The following ITGA2 variants were observed in gnomAD, a reference collection of about 807,000 sequenced individuals.
The protein encoded by ITGA2 is integrin alpha-2.
In ITGA2, 101 loss-of-function variants were observed where a neutral mutation model predicts 146.3. The observed-to-expected ratio is 0.69, with a 90% confidence interval of 0.59 to 0.81. ITGA2 has a LOEUF of 0.81. Among genes scored for constraint, ITGA2 ranks in the 40% least tolerant of loss-of-function variants. The probability of loss-of-function intolerance (pLI) is 0.00; values close to 1 mark genes in which losing one functional copy is unlikely to be tolerated. For missense variants in ITGA2, 1,281 were observed against 1,402.7 expected, an observed-to-expected ratio of 0.91 and a Z score of 1.39; for synonymous variants, 477 against 487.1, an observed-to-expected ratio of 0.98 and a Z score of 0.27.
At chr5:53,004,827 A>G (rs1328936943) in intron 1 of ITGA2, among the ~76,000 whole-genome samples, 3 of 151,024 alleles carry the variant, frequency 2.0e-5, no homozygotes, top group African/African-American at 4.9e-5. Context: ...AACATTGCAG[A>G]ACTTAAATCT....
Position 53,007,346 on chromosome 5 carries a change from C to A in ITGA2, c.64+17814C>A, listed in dbSNP as rs941244435. On this transcript the variant is annotated intron_variant, in intron 1 of 29. Coordinates refer to ENST00000296585, the MANE Select transcript of ITGA2 (RefSeq NM_002203.4). ...AATTTATAGAGAAGTGGCTTGTGAA[C>A]AGGGTATAATAAAAGAAATACTAAC... is the stretch of plus-strand genomic sequence containing the variant. Among the ~76,000 whole-genome samples, 4 of 152,030 alleles carry A rather than the reference C, an allele frequency of 2.6e-5. No homozygotes were observed. In the South Asian group the frequency reaches 8.3e-4, roughly 32 times the overall value.
intron 1 of ITGA2, among the ~76,000 whole-genome samples, chr5:53,024,376 G>T (rs1362906387): frequency 6.6e-6 from 1 of 152,070 alleles, no homozygotes; most frequent in Non-Finnish European, 1.5e-5. Context: ...GATTATGAAT[G>T]ATTTTTCCCT....
In ITGA2 at chr5:53,033,751, C is replaced by T. The variant is rs149424972; in HGVS notation, c.185+6883C>T. Among the ~76,000 whole-genome samples, 145 of 146,008 alleles carry T rather than the reference C, an allele frequency of 9.9e-4. 1 individual carries two copies. The highest frequency in any genetic ancestry group is 3.5e-3 in the African/African-American group (139 of 39,686). On this transcript the variant is annotated intron_variant, in intron 2 of 29. Transcript: ENST00000296585. ...TAGCTGGAATTATAGGCATGTGCCA[C>T]CATACTAGGCTAATTTTTTTTTTTT...
At chr5:53,087,326 C>G (rs1472885330) in intron 28 of ITGA2, among the ~76,000 whole-genome samples, 1 of 152,142 alleles carries the variant, frequency 6.6e-6, no homozygotes, top group African/African-American at 2.4e-5. Context: ...GCTCTATGTT[C>G]TTTGGGACTC....
chr5:53,084,258 G>A lies in ITGA2; in HGVS notation c.3258+805G>A, dbSNP rs542078463. 2.7e-3 allele frequency among the ~76,000 whole-genome samples: 412 copies of A among 151,940 alleles called. 2 individuals are homozygous for A. The highest frequency in any genetic ancestry group is 4.9e-3 in the Non-Finnish European group (333 of 67,962). On this transcript the variant is annotated intron_variant, in intron 27 of 29. Transcript: ENST00000296585. ...GAGGAAGAAAAACAGAAATTAGTCT[G>A]AAACCTCCTGGGGATCTTTGTAGCT...
At chr5:53,020,299 A>T (rs1742614329) in intron 1 of ITGA2, among the ~76,000 whole-genome samples, 1 of 152,246 alleles carries the variant, frequency 6.6e-6, no homozygotes, top group Non-Finnish European at 1.5e-5. Context: ...TATCATACAG[A>T]TATGAACAAG....
intron 10 of ITGA2, among the ~76,000 whole-genome samples, chr5:53,059,085 C>A (rs189571259): frequency 6.6e-6 from 1 of 151,790 alleles, no homozygotes; most frequent in Non-Finnish European, 1.5e-5. Context: ...ATCTTTGGTA[C>A]GCTCTAAGAT....
chr5:53,082,946 G>A (rs1745994391), intron 26 of ITGA2, among the ~76,000 whole-genome samples: 1 of 152,106 alleles, frequency 6.6e-6, no homozygotes, highest in Non-Finnish European at 1.5e-5. Context: ...TACATTTTGT[G>A]CATGTTTACT....
chr5:53,004,802 T>C (rs778548349), intron 1 of ITGA2, among the ~76,000 whole-genome samples: 3 of 151,666 alleles, frequency 2.0e-5, no homozygotes, highest in Non-Finnish European at 4.4e-5. Context: ...GTTTAAGGAC[T>C]AGAGCCATAA....
rs1033008788 is a variant in ITGA2, at chr5:53,036,433, T to C, written c.186-5679T>C. On this transcript the variant is annotated intron_variant, in intron 2 of 29. Transcript: ENST00000296585. Reference sequence around the variant, plus strand: ...TATCATTACCAGTAGGACTACCATCTCCTTCCACTATCCCCCTCACTCATT... The same window carrying C: ...TATCATTACCAGTAGGACTACCATCCCCTTCCACTATCCCCCTCACTCATT... Among the ~76,000 whole-genome samples, 26 of 152,196 alleles carry C rather than the reference T, an allele frequency of 1.7e-4. 1 individual carries two copies. The highest frequency in any genetic ancestry group is 6.3e-4 in the African/African-American group (26 of 41,456).
At chr5:53,048,538 G>C (rs888067156) in intron 5 of ITGA2, 61 bp downstream of exon 5, 26 of 1,607,992 alleles carry the variant, frequency 1.6e-5, no homozygotes, top group Non-Finnish European at 2.2e-5. Flanking sequence ...GGGGGAAAAG[G>C]TTATCAACTA....
chr5:53,007,153 A>T (rs1299559182), intron 1 of ITGA2, among the ~76,000 whole-genome samples: 1 of 152,212 alleles, frequency 6.6e-6, no homozygotes, highest in African/African-American at 2.4e-5. Flanking sequence ...TGAAGAGGTG[A>T]TATAGAGCAG....
At chr5:53,078,944 A>G in intron 24 of ITGA2, 70 bp downstream of exon 24, 1 of 884,780 alleles carries the variant, frequency 1.1e-6, no homozygotes. Flanking sequence ...GTCTGGAAAT[A>G]AAAGGAGAAA....
chr5:53,091,738 A>C lies in ITGA2; in HGVS notation c.*1139A>C, dbSNP rs1740432672. 6.6e-6 allele frequency: 1 copy of C among 152,218 alleles called. No individual in the cohort carries two copies. Among genetic ancestry groups the C allele is most frequent in the Non-Finnish European group, 1.5e-5 (1 of 68,032 alleles). 9.4% of individuals were successfully genotyped at this position (152,218 alleles called of 1,614,324 possible). On this transcript the variant is annotated 3_prime_UTR_variant, in exon 30 of 30. Transcript: ENST00000296585. Reference sequence around the variant, plus strand: ...ACACTTGCATGAATTACTGTATATAAACTCCTTAACTTCAGGGAGCTATTT... The same window carrying C: ...ACACTTGCATGAATTACTGTATATACACTCCTTAACTTCAGGGAGCTATTT...
chr5:53,067,669 C>G (rs2056403), intron 16 of ITGA2, among the ~76,000 whole-genome samples: 1 of 151,724 alleles, frequency 6.6e-6, no homozygotes, highest in Non-Finnish European at 1.5e-5. Context: ...TTTTTCCTGT[C>G]GTTGAGGAAT....
intron 1 of ITGA2, among the ~76,000 whole-genome samples, chr5:53,012,625 G>T (rs531703751): frequency 2.6e-5 from 4 of 152,096 alleles, no homozygotes; most frequent in Middle Eastern, 3.2e-3. Flanking sequence ...CTAATAATGG[G>T]ATTGCTGGGT....
At chr5:53,078,944 A>C in intron 24 of ITGA2, 70 bp downstream of exon 24, 1 of 884,780 alleles carries the variant, frequency 1.1e-6, no homozygotes, top group Non-Finnish European at 1.9e-6. Context: ...GTCTGGAAAT[A>C]AAAGGAGAAA....
At chr5:53,014,813 G>C (rs1183622626) in intron 1 of ITGA2, among the ~76,000 whole-genome samples, 1 of 151,990 alleles carries the variant, frequency 6.6e-6, no homozygotes, top group Non-Finnish European at 1.5e-5. Flanking sequence ...TTTCTTTGTG[G>C]TTCAATATTA....
intron 1 of ITGA2, among the ~76,000 whole-genome samples, chr5:52,992,841 T>TCTACCTATC (rs925631740): frequency 6.6e-6 from 1 of 151,888 alleles, no homozygotes; most frequent in Non-Finnish European, 1.5e-5. Context: ...AAAGGTACAT[T>TCTACCTATC]CTACCTATCC....
Sources: gnomAD v4.1 joint callset for allele counts (sites outside exome capture counted in the v4.1 genomes callset) on GRCh38, gnomAD v4.1.1 for gene constraint, MANE v1.5 for transcripts, NCBI Gene and HGNC (gene_info 2026-07-23, HGNC 2026-07-21) for gene names.